The following PCDH15 variants were observed in gnomAD, a reference collection of about 807,000 sequenced individuals.
PCDH15 encodes the protein protocadherin related 15.
PCDH15 carries 129 observed loss-of-function variants against 178.5 expected under a neutral mutation model. The ratio of observed to expected loss-of-function variants is 0.72; its 90% CI spans 0.63 to 0.84. The LOEUF (loss-of-function observed/expected upper bound fraction) is 0.84. Among genes scored for constraint, PCDH15 ranks in the 40% least tolerant of loss-of-function variants. The probability of loss-of-function intolerance (pLI) is 0.00; values close to 1 mark genes in which losing one functional copy is unlikely to be tolerated. For missense variants in PCDH15, 2,230 were observed against 2,099.9 expected (o/e 1.06, Z -1.21); for synonymous variants, 800 against 732.0 (o/e 1.09, Z -1.50).
chr10:54,023,291 T>C (rs2092984277), intron 18 of PCDH15, 94 bp from the exon 19 acceptor site: 3 of 1,236,336 alleles, frequency 2.4e-6, no homozygotes, highest in East Asian at 5.0e-5. Context: ...GGTATTTTTC[T>C]AACCAAAAAT....
chr10:53,959,312 G>A (rs35001277), intron 23 of PCDH15, among the ~76,000 whole-genome samples: 14,088 of 149,222 alleles, frequency 0.094, 714 homozygotes, highest in East Asian at 0.12. Context: ...ACACACAAAC[G>A]TACACACATA....
At chr10:53,884,304 C>T (rs1001153028) in intron 26 of PCDH15, among the ~76,000 whole-genome samples, 2 of 152,104 alleles carry the variant, frequency 1.3e-5, no homozygotes, top group African/African-American at 4.8e-5. Flanking sequence ...ACTCAGTGCC[C>T]TGCTCTGTTT....
intron 1 of PCDH15, among the ~76,000 whole-genome samples, chr10:55,259,940 AGT>A (rs1842106893): frequency 7.5e-6 from 1 of 133,510 alleles, no homozygotes; most frequent in Non-Finnish European, 1.6e-5. Flanking sequence ...AAAAAAAAAA[AGT>A]TTAGCTAAGA....
chr10:55,621,758 AG>A (rs2132171340), intron 2 of PCDH15, among the ~76,000 whole-genome samples: 1 of 151,886 alleles, frequency 6.6e-6, no homozygotes, highest in South Asian at 2.1e-4. Context: ...GGTGCCAAAA[AG>A]TTTGAGGACT....
At chr10:54,400,836 C>T (rs1438704257) in intron 3 of PCDH15, among the ~76,000 whole-genome samples, 2 of 151,482 alleles carry the variant, frequency 1.3e-5, no homozygotes, top group African/African-American at 4.8e-5. Context: ...AGAAAAAAGC[C>T]AGAGGGAGAG....
intron 3 of PCDH15, among the ~76,000 whole-genome samples, chr10:54,387,949 A>G (rs1258741764): frequency 1.3e-5 from 2 of 152,288 alleles, no homozygotes; most frequent in East Asian, 3.9e-4. Flanking sequence ...TTGACAAAGT[A>G]GGTTGTTACC....
chr10:55,448,826 A>T (rs920070739), intron 2 of PCDH15, among the ~76,000 whole-genome samples: 2 of 152,026 alleles, frequency 1.3e-5, no homozygotes, highest in Non-Finnish European at 2.9e-5. Context: ...AAAACAATAA[A>T]TTCAGTTGCT....
chr10:54,510,487 A>G (rs1025973858), intron 3 of PCDH15, among the ~76,000 whole-genome samples: 1 of 152,182 alleles, frequency 6.6e-6, no homozygotes, highest in African/African-American at 2.4e-5. Flanking sequence ...CAGCAGATGG[A>G]TAAGTGAAAC....
chr10:54,845,524 T>C (rs571059918), intron 3 of PCDH15, among the ~76,000 whole-genome samples: 5 of 152,254 alleles, frequency 3.3e-5, no homozygotes, highest in Admixed American at 1.3e-4. Flanking sequence ...CTGAAGGATG[T>C]GGTCTAAATT....
chr10:54,441,018 T>G (rs1465366291), intron 3 of PCDH15, among the ~76,000 whole-genome samples: 1 of 151,926 alleles, frequency 6.6e-6, no homozygotes, highest in Non-Finnish European at 1.5e-5. Flanking sequence ...AAGAACATAA[T>G]TCACAAAAAG....
chr10:54,677,708 T>G (rs1356178419), intron 1 of PCDH15, among the ~76,000 whole-genome samples: 5 of 152,190 alleles, frequency 3.3e-5, no homozygotes, highest in Non-Finnish European at 7.3e-5. Flanking sequence ...TAGGTAACAT[T>G]GAGTGTCTGG....
At chr10:54,516,298 T>TA (rs1391281701) in intron 3 of PCDH15, among the ~76,000 whole-genome samples, 2 of 89,796 alleles carry the variant, frequency 2.2e-5, no homozygotes, top group Non-Finnish European at 4.1e-5. Context: ...GCAAACAAGT[T>TA]AAAAACTTTG....
chr10:54,652,867 C>T (rs2094293180), intron 2 of PCDH15, among the ~76,000 whole-genome samples: 1 of 152,158 alleles, frequency 6.6e-6, no homozygotes, highest in Admixed American at 6.5e-5. Flanking sequence ...AAAAGGACAA[C>T]TTTTATCTCT....
chr10:55,117,739 A>G (rs1837662593), intron 2 of PCDH15, among the ~76,000 whole-genome samples: 1 of 152,184 alleles, frequency 6.6e-6, no homozygotes, highest in South Asian at 2.1e-4. Context: ...TCAGAGAAAA[A>G]CAAACTAGAA....
intron 2 of PCDH15, among the ~76,000 whole-genome samples, chr10:54,995,142 C>T (rs931132887): frequency 4.0e-5 from 6 of 151,796 alleles, no homozygotes; most frequent in Non-Finnish European, 7.4e-5. Context: ...TTTGGGAGGC[C>T]GAGGCGGGCG....
intron 1 of PCDH15, among the ~76,000 whole-genome samples, chr10:55,291,208 A>G (rs901261641): frequency 2.0e-5 from 3 of 152,110 alleles, no homozygotes; most frequent in Admixed American, 6.6e-5. Context: ...TAACTTCCCT[A>G]CAGGAGAAAG....
chr10:53,847,222 G>A (rs767686400), intron 28 of PCDH15, among the ~76,000 whole-genome samples: 6 of 152,140 alleles, frequency 3.9e-5, no homozygotes, highest in East Asian at 1.9e-4. Context: ...GCTACCTGTT[G>A]TGATGGTTAC....
rs1473145111 is a variant in PCDH15, at chr10:54,871,361, T to C, written c.-29+26089A>G. On this transcript the variant is annotated intron_variant, in intron 3 of 5. Transcript: ENST00000458638. ...GATAATGAGGTTCTCATATATTATG[T>C]ATTCCAAGTCTCAGAAATAAGCTAC... 2.6e-5 allele frequency among the ~76,000 whole-genome samples: 4 copies of C among 151,818 alleles called. No individual in the cohort carries two copies. The East Asian group carries it at 7.7e-4, about 29-fold the overall frequency.
At chr10:54,726,786 C>T (rs1681807937) in intron 1 of PCDH15, among the ~76,000 whole-genome samples, 6 of 147,666 alleles carry the variant, frequency 4.1e-5, no homozygotes, top group Admixed American at 1.4e-4. Context: ...GCAGAATAGG[C>T]CAAGCTGAAG....
Sources: allele counts gnomAD v4.1 joint callset (sites outside exome capture counted in the v4.1 genomes callset), GRCh38; gene constraint gnomAD v4.1.1; transcripts MANE v1.5; gene names NCBI Gene and HGNC (gene_info 2026-07-23, HGNC 2026-07-21).